The following MAGI1 variants were observed in gnomAD, a reference collection of about 807,000 sequenced individuals.
MAGI1 encodes the protein membrane associated guanylate kinase, WW and PDZ domain containing 1, also known as membrane-associated guanylate kinase, WW and PDZ domain-containing protein 1.
MAGI1 carries 58 observed loss-of-function variants against 139.9 expected under a neutral mutation model. The ratio of observed to expected loss-of-function variants is 0.41; its 90% CI spans 0.34 to 0.52. The LOEUF (loss-of-function observed/expected upper bound fraction) is 0.52. MAGI1 is among the 20% of genes least tolerant of loss of function. The pLI is 0.12. For missense variants in MAGI1, 1,874 were observed against 1,901.6 expected (o/e 0.99, Z 0.27); for synonymous variants, 812 against 737.9 (o/e 1.10, Z -1.63).
chr3:66,038,590 C>T lies in MAGI1; in HGVS notation c.-282G>A. The T allele has an allele frequency of 2.3e-6, 1 of 436,340 alleles. No individual in the cohort carries two copies. The highest frequency in any genetic ancestry group is 5.3e-5 in the South Asian group (1 of 18,842). The allele number at this position is 436,340 out of a possible 1,614,324, so 27.0% of individuals were successfully genotyped here. A position where few individuals can be genotyped will look rare whatever the true frequency, so the allele number is the denominator to read the frequency against. Reference sequence around the variant, plus strand: ...ACGTTCCGGCGCCCGCCCGTGCTCTCCCGGACCAGAGTCCACTCTGCGCCG... The same window carrying T: ...ACGTTCCGGCGCCCGCCCGTGCTCTTCCGGACCAGAGTCCACTCTGCGCCG... On this transcript the variant is annotated 5_prime_UTR_variant, in exon 1 of 23. Transcript: ENST00000402939.
At chr3:65,616,738 G>A (rs1036724154) in intron 2 of MAGI1, among the ~76,000 whole-genome samples, 2 of 152,172 alleles carry the variant, frequency 1.3e-5, no homozygotes, top group African/African-American at 2.4e-5. Flanking sequence ...GAACTCTCAA[G>A]TTCATGAGTT....
At chr3:65,549,103 G>C (rs371752403) in intron 2 of MAGI1, among the ~76,000 whole-genome samples, 1 of 152,092 alleles carries the variant, frequency 6.6e-6, no homozygotes, top group Non-Finnish European at 1.5e-5. Context: ...CCTGCGCTCC[G>C]GGGCGCGGGC....
At chr3:65,371,886 C>T (rs1002047206) in intron 18 of MAGI1, 2 of 445,292 alleles carry the variant, frequency 4.5e-6, no homozygotes, top group Admixed American at 2.5e-5. Context: ...GCTCCACTTC[C>T]AATTCTACTT....
At chr3:65,576,307 G>T (rs1191683432) in intron 2 of MAGI1, among the ~76,000 whole-genome samples, 1 of 152,158 alleles carries the variant, frequency 6.6e-6, no homozygotes, top group Non-Finnish European at 1.5e-5. Flanking sequence ...CAGGGTGCTA[G>T]AACAATCAAT....
chr3:65,998,374 T>A (rs1231051271), intron 1 of MAGI1, among the ~76,000 whole-genome samples: 3 of 152,166 alleles, frequency 2.0e-5, no homozygotes, highest in Non-Finnish European at 4.4e-5. Context: ...GGTAGTTTGT[T>A]ACATAGCTTT....
At chr3:65,630,454 T>G (rs2107147437) in intron 1 of MAGI1, among the ~76,000 whole-genome samples, 1 of 152,112 alleles carries the variant, frequency 6.6e-6, no homozygotes, top group Admixed American at 6.6e-5. Context: ...AGACAGAGGG[T>G]GGCTCAGGTT....
chr3:65,568,215 A>C (rs984089945), intron 2 of MAGI1, among the ~76,000 whole-genome samples: 1 of 152,206 alleles, frequency 6.6e-6, no homozygotes, highest in Admixed American at 6.5e-5. Context: ...ATAGTGAAGC[A>C]GGAATTGTTT....
intron 1 of MAGI1, among the ~76,000 whole-genome samples, chr3:65,970,522 TA>T (rs10576566): frequency 0.23 from 32,123 of 141,206 alleles, 3,676 homozygotes; most frequent in Non-Finnish European, 0.28. Context: ...ACAATTTTGT[TA>T]AAAAAAAAAA....
intron 1 of MAGI1, among the ~76,000 whole-genome samples, chr3:65,728,389 G>A (rs1224878617): frequency 6.6e-6 from 1 of 152,204 alleles, no homozygotes; most frequent in East Asian, 1.9e-4. Context: ...ATGGAATTTG[G>A]ATCTTTGTCT....
intron 1 of MAGI1, among the ~76,000 whole-genome samples, chr3:65,726,379 A>G (rs1396073860): frequency 6.6e-6 from 1 of 152,232 alleles, no homozygotes. Flanking sequence ...TGGTAAAGAT[A>G]TTGAGTCTCT....
At chr3:65,786,953 T>C (rs778261583) in intron 1 of MAGI1, among the ~76,000 whole-genome samples, 49 of 152,122 alleles carry the variant, frequency 3.2e-4, no homozygotes, top group Non-Finnish European at 5.0e-4. Flanking sequence ...ATCTCTCTCA[T>C]TGTGTTACCT....
At chr3:65,593,938 T>C (rs2082074616) in intron 2 of MAGI1, among the ~76,000 whole-genome samples, 1 of 152,216 alleles carries the variant, frequency 6.6e-6, no homozygotes. Context: ...TTAAAAATCT[T>C]TTCGCTCAAG....
chr3:65,622,074 T>TG lies in MAGI1; in HGVS notation c.327dup (p.Lys110GlnfsTer17). 6.2e-7 allele frequency: 1 copy of TG among 1,613,022 alleles called. No individual in the cohort carries two copies. Among genetic ancestry groups the TG allele is most frequent in the Non-Finnish European group, 8.5e-7 (1 of 1,179,054 alleles). ...TGATTGAGAAAATGTCGCAGGTCCT[T>TG]GTTCAGCCTTCCTCCTGCAGGAAAT... is the stretch of plus-strand genomic sequence containing the variant. On this transcript the variant is annotated frameshift_variant, in exon 2 of 23. Transcript: ENST00000402939. LOFTEE classifies it high-confidence loss of function.
intron 1 of MAGI1, among the ~76,000 whole-genome samples, chr3:65,842,727 C>T (rs562003353): frequency 5.3e-5 from 8 of 152,152 alleles, no homozygotes; most frequent in Non-Finnish European, 7.4e-5. Context: ...TAGTAAAATG[C>T]TTCTCTATAA....
chr3:65,783,222 A>G (rs895947729), intron 1 of MAGI1, among the ~76,000 whole-genome samples: 2 of 152,212 alleles, frequency 1.3e-5, no homozygotes, highest in African/African-American at 2.4e-5. Flanking sequence ...ATTTTAACAG[A>G]TATTTCTTTA....
intron 5 of MAGI1, 29 bp from the exon 6 acceptor site, chr3:65,453,369 T>G (rs1461654483): frequency 6.5e-7 from 1 of 1,527,266 alleles, no homozygotes. Flanking sequence ...AATAAGAAAT[T>G]TGTTTGAAAA....
intron 2 of MAGI1, chr3:65,619,905 T>C (rs1288008847): frequency 2.0e-6 from 2 of 985,062 alleles, no homozygotes; most frequent in African/African-American, 3.5e-5. Context: ...CCTGATTTAC[T>C]GGTTTCACAG....
intron 1 of MAGI1, among the ~76,000 whole-genome samples, chr3:65,950,106 A>AAAAAAAAAAAAAAC (rs796698272): frequency 1.8e-4 from 15 of 84,192 alleles, no homozygotes; most frequent in Non-Finnish European, 2.3e-4. Flanking sequence ...AAAAAAAAAA[A>AAAAAAAAAAAAAAC]CAGAACTAGC....
chr3:65,484,348 T>G (rs1378371939), intron 3 of MAGI1, among the ~76,000 whole-genome samples: 1 of 152,140 alleles, frequency 6.6e-6, no homozygotes, highest in Admixed American at 6.5e-5. Context: ...CTTCTTCCTA[T>G]GAGACAAGCT....
Sources: allele counts gnomAD v4.1 joint callset (sites outside exome capture counted in the v4.1 genomes callset), GRCh38; gene constraint gnomAD v4.1.1; transcripts MANE v1.5; gene names NCBI Gene and HGNC (gene_info 2026-07-23, HGNC 2026-07-21).